FNBP4: variants seen among roughly 807,000 people sequenced by gnomAD.
FNBP4 encodes formin-binding protein 4.
A neutral mutation model predicts 119.3 loss-of-function variants in FNBP4; 34 were observed. The observed-to-expected ratio is 0.28, with a 90% CI of 0.22 to 0.38. The LOEUF (loss-of-function observed/expected upper bound fraction) is 0.38. Among genes scored for constraint, FNBP4 ranks in the 10% least tolerant of loss-of-function variants. FNBP4 has a pLI of 1.00. For missense variants in FNBP4, 1,112 were observed against 1,228.9 expected, an observed-to-expected ratio of 0.90 and a Z score of 1.42; for synonymous variants, 462 against 430.6, an observed-to-expected ratio of 1.07 and a Z score of -0.90.
chr11:47,758,920 ATT>A (rs576200543), intron 2 of FNBP4, among the ~76,000 whole-genome samples: 7 of 141,098 alleles, frequency 5.0e-5, no homozygotes, highest in Non-Finnish European at 3.1e-5. Flanking sequence ...AGTGTCTCTA[ATT>A]TTTTTTTTTT....
At position 47,732,371 on chromosome 11, in the gene FNBP4, G is replaced by A. The variant is rs1473531660; in HGVS notation, c.1820+166C>T. 1 of 1,511,098 alleles carries A rather than the reference G, an allele frequency of 6.6e-7. No homozygotes were observed. The highest frequency in any genetic ancestry group is 2.3e-5 in the East Asian group (1 of 43,956). The allele number at this position is 1,511,098 out of a possible 1,614,324, so 93.6% of individuals were successfully genotyped here. A position where few individuals can be genotyped will look rare whatever the true frequency, so the allele number is the denominator to read the frequency against. On this transcript the variant is annotated intron_variant, in intron 11 of 16. Transcript: ENST00000263773. This position sits in a 1 kb window ranked among gnomAD's most constrained non-coding sequence, Gnocchi z 4.2. ...TAAACATTGCTTTTGTTTCTCCAAT[G>A]TGTGGCTGGCCAAACTTTGTGCTTG... is the stretch of plus-strand genomic sequence containing the variant.
chr11:47,723,493 A>G (rs554686226), intron 14 of FNBP4, among the ~76,000 whole-genome samples, 177 bp from the exon 15 acceptor site: 17 of 152,358 alleles, frequency 1.1e-4, no homozygotes, highest in Non-Finnish European at 1.8e-4. Context: ...CCTTGGCATT[A>G]AACTACCTAA....
chr11:47,724,435 A>G, intron 13 of FNBP4, 33 bp downstream of exon 13: 1 of 1,613,922 alleles, frequency 6.2e-7, no homozygotes, highest in Non-Finnish European at 8.5e-7. Flanking sequence ...CCAGTCCTCA[A>G]AATCACTCAG....
intron 7 of FNBP4, among the ~76,000 whole-genome samples, chr11:47,745,504 G>GT (rs2097588590): frequency 6.6e-6 from 1 of 152,080 alleles, no homozygotes; most frequent in African/African-American, 2.4e-5. Flanking sequence ...CCCGGCCCTG[G>GT]TAAGTCTGTG....
chr11:47,765,441 AG>A (rs1318679709), intron 1 of FNBP4, 79 bp from the exon 2 acceptor site: 1 of 1,023,578 alleles, frequency 9.8e-7, no homozygotes, highest in African/African-American at 1.7e-5. Flanking sequence ...TCCAGACCAG[AG>A]AAAACACTAG....
intron 1 of FNBP4, 32 bp from the exon 2 acceptor site, chr11:47,765,394 G>GAAAA (rs752393881): frequency 8.2e-6 from 11 of 1,339,440 alleles, no homozygotes; most frequent in Non-Finnish European, 1.0e-5. Flanking sequence ...GAAAAGAAAA[G>GAAAA]AAAAGAAAAG....
At position 47,750,959 on chromosome 11, in the gene FNBP4, C is replaced by T. The variant is rs1280287889; in HGVS notation, c.863G>A (p.Ser288Asn). The T allele has an allele frequency of 6.2e-7, 1 of 1,613,998 alleles. No homozygotes were observed. Among genetic ancestry groups the T allele is most frequent in the Non-Finnish European group, 8.5e-7 (1 of 1,179,980 alleles). Residue 288 changes from serine (S) to asparagine (N), a missense_variant, in exon 6 of 17, where the codon AGT becomes AAT. Coordinates refer to ENST00000263773, the MANE Select transcript of FNBP4 (RefSeq NM_015308.5). ...GGCTATGACTGGTCCACTTTTACTA[C>T]TGGAAACAGAAATCGTTTTCTCCTT... ...YSKEKTISVS[S>N]SKSGPVIAKR...
At chr11:47,759,677 G>A (rs915296286) in intron 2 of FNBP4, among the ~76,000 whole-genome samples, 1 of 152,106 alleles carries the variant, frequency 6.6e-6, no homozygotes, top group Non-Finnish European at 1.5e-5. Flanking sequence ...TACTGGCCGG[G>A]CACGGTGGCT....
rs2097607805 is a variant in FNBP4, at chr11:47,753,202, C to T, written c.451-100G>A. On this transcript the variant is annotated intron_variant, in intron 3 of 16. Coordinates refer to ENST00000263773, the MANE Select transcript of FNBP4 (RefSeq NM_015308.5). Reference sequence around the variant, plus strand: ...TTAAAAATTCTACATGAGCCGGGCACAGTGGCTCACACCTACAGTTCCAGC... The same window carrying T: ...TTAAAAATTCTACATGAGCCGGGCATAGTGGCTCACACCTACAGTTCCAGC... 6.8e-6 allele frequency: 6 copies of T among 880,984 alleles called. No homozygotes were observed. In the Admixed American group the frequency reaches 1.4e-4, roughly 21 times the overall value. 54.6% of individuals were successfully genotyped at this position (880,984 alleles called of 1,614,324 possible). A position where few individuals can be genotyped will look rare whatever the true frequency, so the allele number is the denominator to read the frequency against.
At chr11:47,765,571 G>C (rs1460273988) in intron 1 of FNBP4, among the ~76,000 whole-genome samples, 1 of 95,458 alleles carries the variant, frequency 1.0e-5, no homozygotes, top group Non-Finnish European at 2.0e-5. Context: ...CCAAGACGGG[G>C]GGGGGGGGGG....
chr11:47,765,599 G>C (rs1006714385), intron 1 of FNBP4, among the ~76,000 whole-genome samples: 3 of 133,834 alleles, frequency 2.2e-5, no homozygotes, highest in Non-Finnish European at 4.7e-5. Context: ...GAGGTCAGGG[G>C]TTCAAGACCA....
Position 47,746,078 on chromosome 11 carries a change from T to A in FNBP4, c.1223A>T (p.Glu408Val). 1.3e-6 allele frequency: 2 copies of A among 1,594,040 alleles called. No individual in the cohort carries two copies. Among genetic ancestry groups the A allele is most frequent in the Non-Finnish European group, 1.7e-6 (2 of 1,174,974 alleles). The change falls in exon 7 of 17, where the codon GAG (glutamate) becomes GTG (valine). Residue 408 changes from glutamate (E) to valine (V), a missense_variant. By Grantham distance (121) the Glu-to-Val change is moderately radical. This residue lies in a region of FNBP4 where 826 missense variants were observed against 988.8 expected (regional missense o/e 0.84). Coordinates refer to ENST00000263773, the MANE Select transcript of FNBP4 (RefSeq NM_015308.5). Reference sequence around the variant, plus strand: ...TACTTTTTTCCTTTCCAAAACTAGCTCCAGTTCAAGGGTATCTTGTTCCTC... The same window carrying A: ...TACTTTTTTCCTTTCCAAAACTAGCACCAGTTCAAGGGTATCTTGTTCCTC... ...EEEEQDTLELELVLERKKAEL... is the reference protein window; with the variant it reads ...EEEEQDTLELVLVLERKKAEL...
chr11:47,765,409 G>GAAAAGAA (rs2097645291), intron 1 of FNBP4, 47 bp from the exon 2 acceptor site: 3 of 1,366,828 alleles, frequency 2.2e-6, no homozygotes, highest in African/African-American at 1.5e-5. Context: ...GAAAAGAAAA[G>GAAAAGAA]AAAAGAAAAC....
intron 16 of FNBP4, among the ~76,000 whole-genome samples, chr11:47,719,683 AC>A (rs1273015488): frequency 6.6e-6 from 1 of 152,020 alleles, no homozygotes; most frequent in Admixed American, 6.6e-5. Flanking sequence ...TTTGCCTAAG[AC>A]CAACAATCAA....
intron 7 of FNBP4, 45 bp from the exon 8 acceptor site, chr11:47,744,208 T>G: frequency 7.1e-7 from 1 of 1,416,854 alleles, no homozygotes; most frequent in Non-Finnish European, 9.9e-7. Flanking sequence ...AACTGCTTAT[T>G]AATATGTATA....
chr11:47,759,265 G>A (rs1248837369), intron 2 of FNBP4, among the ~76,000 whole-genome samples: 2 of 150,596 alleles, frequency 1.3e-5, no homozygotes, highest in African/African-American at 4.9e-5. Flanking sequence ...AGGCTGGAGT[G>A]CAATGGTGCA....
intron 6 of FNBP4, among the ~76,000 whole-genome samples, chr11:47,749,430 G>C (rs1244841140): frequency 6.6e-6 from 1 of 152,048 alleles, no homozygotes; most frequent in African/African-American, 2.4e-5. Flanking sequence ...GTCAGGCGTT[G>C]TGCCTGTAAT....
chr11:47,747,138 T>G lies in FNBP4; in HGVS notation c.907-744A>C, dbSNP rs570182596. On this transcript the variant is annotated intron_variant, in intron 6 of 16. Coordinates refer to ENST00000263773, the MANE Select transcript of FNBP4 (RefSeq NM_015308.5). Reference sequence around the variant, plus strand: ...CCTCTGCCTCCCAGGTTCCAGCGATTCCCAGCCTCACAGCCTTAGCCTCCC... The same window carrying G: ...CCTCTGCCTCCCAGGTTCCAGCGATGCCCAGCCTCACAGCCTTAGCCTCCC... 2.0e-5 allele frequency among the ~76,000 whole-genome samples: 3 copies of G among 152,054 alleles called. No individual in the cohort carries two copies. In the East Asian group the frequency reaches 5.8e-4, roughly 30 times the overall value.
At chr11:47,720,569 AAAATAAATAAAT>A (rs57442336) in intron 15 of FNBP4, among the ~76,000 whole-genome samples, 7 of 149,084 alleles carry the variant, frequency 4.7e-5, no homozygotes, top group African/African-American at 7.4e-5. Context: ...CCGTCTCAAA[AAAATAAATAAAT>A]AAATAAATAA....
Sources: gnomAD v4.1 joint callset for allele counts (sites outside exome capture counted in the v4.1 genomes callset) on GRCh38, gnomAD v4.1.1 for gene constraint, gnomAD v4.1.1 regional missense constraint, Gnocchi (gnomAD v3.1) non-coding constraint, MANE v1.5 for transcripts, NCBI Gene and HGNC (gene_info 2026-07-23, HGNC 2026-07-21) for gene names.